H2AC20: variants seen among roughly 807,000 people sequenced by gnomAD.
The protein encoded by H2AC20 is histone H2A type 2-C.
A neutral mutation model predicts 7.1 loss-of-function variants in H2AC20; 7 were observed. The observed-to-expected ratio is 0.99, with a 90% confidence interval of 0.56 to 1.85. The LOEUF (loss-of-function observed/expected upper bound fraction) is 1.85, where lower values mean the gene tolerates loss of function less well. H2AC20 is among the 40% of genes most tolerant of loss of function. H2AC20 has a pLI of 0.00. For missense variants in H2AC20, 127 were observed against 179.6 expected, an observed-to-expected ratio of 0.71 and a Z score of 1.67; for synonymous variants, 97 against 82.2, an observed-to-expected ratio of 1.18 and a Z score of -0.98.
rs2092307535 is a variant in H2AC20 at position 149,887,224 on chromosome 1, C to T, written c.250C>T (p.Leu84Phe). Reference sequence around the variant, plus strand: ...GAAGACGCGCATCATCCCTCGTCACCTCCAGCTGGCCATCCGCAACGACGA... The same window carrying T: ...GAAGACGCGCATCATCCCTCGTCACTTCCAGCTGGCCATCCGCAACGACGA... ...NKKTRIIPRH[L>F]QLAIRNDEEL... Residue 84 changes from leucine to phenylalanine, a missense_variant, in exon 1 of 1, where the codon CTC (leucine) becomes TTC (phenylalanine). Transcript: ENST00000331380. The T allele has an allele frequency of 1.2e-6, 2 of 1,614,216 alleles. No individual in the cohort carries two copies. Among genetic ancestry groups the T allele is most frequent in the South Asian group, 1.1e-5 (1 of 91,080 alleles).
Position 149,887,111 on chromosome 1 carries a change from C to T in H2AC20, c.137C>T (p.Ala46Val), listed in dbSNP as rs921843484. ...GGCAACTACGCGGAGCGGGTGGGGG[C>T]CGGCGCGCCCGTCTACATGGCGGCG... Reference protein sequence around the residue: ...RKGNYAERVGAGAPVYMAAVL... With the variant: ...RKGNYAERVGVGAPVYMAAVL... Residue 46 changes from alanine to valine, a missense_variant, in exon 1 of 1, where the codon GCC (alanine) becomes GTC (valine). By Grantham distance (64) the Ala-to-Val change is moderately conservative. Coordinates refer to ENST00000331380, the MANE Select transcript of H2AC20 (RefSeq NM_003517.3). The T allele has an allele frequency of 6.2e-7, 1 of 1,613,990 alleles. No homozygotes were observed. Among genetic ancestry groups the T allele is most frequent in the Non-Finnish European group, 8.5e-7 (1 of 1,179,946 alleles).
At position 149,887,381 on chromosome 1, in the gene H2AC20, C is replaced by T. The variant is rs1028575428; in HGVS notation, c.*17C>T. The T allele has an allele frequency of 5.6e-6, 9 of 1,602,978 alleles. No homozygotes were observed. In the African/African-American group the frequency reaches 1.1e-4, roughly 19 times the overall value. ...AGCAAATAAATGCAGACAAACAAAC[C>T]AAGACCAAAGGCTCTTTTTAGAGCC... On this transcript the variant is annotated 3_prime_UTR_variant, in exon 1 of 1. Transcript: ENST00000331380.
Position 149,887,009 on chromosome 1 carries a change from G to A in H2AC20, c.35G>A (p.Arg12His). 1.2e-6 allele frequency: 2 copies of A among 1,614,248 alleles called. No homozygotes were observed. Among genetic ancestry groups the A allele is most frequent in the Non-Finnish European group, 1.7e-6 (2 of 1,180,030 alleles). Residue 12 changes from arginine (R) to histidine (H), a missense_variant, in exon 1 of 1, where the codon CGC becomes CAC. Physicochemically the swap from Arg to His is conservative, Grantham distance 29. Coordinates refer to ENST00000331380, the MANE Select transcript of H2AC20 (RefSeq NM_003517.3). Reference protein sequence around the residue: ...SGRGKQGGKARAKAKSRSSRA... With the variant: ...SGRGKQGGKAHAKAKSRSSRA... ...CGTGGCAAACAAGGAGGCAAGGCCC[G>A]CGCCAAGGCCAAGTCGCGCTCGTCC...
rs782576881 is a variant in H2AC20, at chr1:149,887,181, C to T, written c.207C>T (p.Asn69=). 36 of 1,613,996 alleles carry T rather than the reference C, an allele frequency of 2.2e-5. No individual in the cohort carries two copies. Among genetic ancestry groups the T allele is most frequent in the Non-Finnish European group, 2.8e-5 (33 of 1,180,036 alleles). ...LTAEILELAG[N]AARDNKKTRI... ...CCGAGATCCTGGAGCTGGCGGGCAA[C>T]GCGGCTCGGGACAACAAGAAGACGC... The change falls in exon 1 of 1, where the codon AAC becomes AAT. Residue 69 remains asparagine (N), a synonymous_variant. Coordinates refer to ENST00000331380, the MANE Select transcript of H2AC20 (RefSeq NM_003517.3).
In H2AC20 at chr1:149,887,140, C is replaced by G. The variant is rs1259754752; in HGVS notation, c.166C>G (p.Leu56Val). The part of the protein sequence containing the change: ...AGAPVYMAAV[L>V]EYLTAEILEL... ...CGCGCCCGTCTACATGGCGGCGGTC[C>G]TCGAGTACCTGACCGCCGAGATCCT... The change falls in exon 1 of 1, where the codon CTC (leucine) becomes GTC (valine). Residue 56 changes from leucine (L) to valine (V), a missense_variant. Leu to Val is a conservative substitution (Grantham distance 32). Coordinates refer to ENST00000331380, the MANE Select transcript of H2AC20 (RefSeq NM_003517.3). 1 of 1,614,048 alleles carries G rather than the reference C, an allele frequency of 6.2e-7. No individual in the cohort carries two copies. The highest frequency in any genetic ancestry group is 2.2e-5 in the East Asian group (1 of 44,876).
rs2092307632 is a variant in H2AC20, at chr1:149,887,233, G to T, written c.259G>T (p.Ala87Ser). The change falls in exon 1 of 1, where the codon GCC (alanine) becomes TCC (serine). Residue 87 changes from alanine (A) to serine (S), a missense_variant. By Grantham distance (99) the Ala-to-Ser change is moderately conservative. Transcript: ENST00000331380. Reference sequence around the variant, plus strand: ...CATCATCCCTCGTCACCTCCAGCTGGCCATCCGCAACGACGAGGAACTGAA... The same window carrying T: ...CATCATCCCTCGTCACCTCCAGCTGTCCATCCGCAACGACGAGGAACTGAA... ...TRIIPRHLQL[A>S]IRNDEELNKL... The T allele has an allele frequency of 6.2e-7, 1 of 1,614,188 alleles. No homozygotes were observed.
At position 149,886,961 on chromosome 1, in the gene H2AC20, C is replaced by G; in HGVS notation, c.-14C>G. On this transcript the variant is annotated 5_prime_UTR_variant, in exon 1 of 1. Transcript: ENST00000331380. Reference sequence around the variant, plus strand: ...GGTTCTGAGCGTTGTCTGTGTTTAACCTTGATTTCAGTCATGTCTGGTCGT... The same window carrying G: ...GGTTCTGAGCGTTGTCTGTGTTTAAGCTTGATTTCAGTCATGTCTGGTCGT... 5 of 1,614,190 alleles carry G rather than the reference C, an allele frequency of 3.1e-6. No individual in the cohort carries two copies. Among genetic ancestry groups the G allele is most frequent in the Non-Finnish European group, 4.2e-6 (5 of 1,180,028 alleles).
chr1:149,887,222 A>G lies in H2AC20; in HGVS notation c.248A>G (p.His83Arg), dbSNP rs782156323. 17 of 1,613,800 alleles carry G rather than the reference A, an allele frequency of 1.1e-5. No homozygotes were observed. In the East Asian group the frequency reaches 3.3e-4, roughly 32 times the overall value. Residue 83 changes from histidine (H) to arginine (R), a missense_variant, in exon 1 of 1, where the codon CAC becomes CGC. Transcript: ENST00000331380. The part of the protein sequence containing the change: ...DNKKTRIIPR[H>R]LQLAIRNDEE... ...AAGAAGACGCGCATCATCCCTCGTCACCTCCAGCTGGCCATCCGCAACGAC... is the reference window on the plus strand; with the variant it reads ...AAGAAGACGCGCATCATCCCTCGTCGCCTCCAGCTGGCCATCCGCAACGAC...
In H2AC20 at chr1:149,887,409, C is replaced by T. The variant is rs587626534; in HGVS notation, c.*45C>T. 1.3e-5 allele frequency: 21 copies of T among 1,574,500 alleles called. No individual in the cohort carries two copies. The highest frequency in any genetic ancestry group is 1.7e-4 in the Middle Eastern group (1 of 5,822). Reference sequence around the variant, plus strand: ...GACCAAAGGCTCTTTTTAGAGCCACCCAAGTTTTCAAAAAAAGAGCTAATG... The same window carrying T: ...GACCAAAGGCTCTTTTTAGAGCCACTCAAGTTTTCAAAAAAAGAGCTAATG... On this transcript the variant is annotated 3_prime_UTR_variant, in exon 1 of 1. Coordinates refer to ENST00000331380, the MANE Select transcript of H2AC20 (RefSeq NM_003517.3).
chr1:149,887,375 A>G lies in H2AC20; in HGVS notation c.*11A>G, dbSNP rs2092311564. 3 of 1,604,136 alleles carry G rather than the reference A, an allele frequency of 1.9e-6. No individual in the cohort carries two copies. The highest frequency in any genetic ancestry group is 3.5e-5 in the Admixed American group (2 of 57,826). ...GCCAAAAGCAAATAAATGCAGACAAACAAACCAAGACCAAAGGCTCTTTTT... is the reference window on the plus strand; with the variant it reads ...GCCAAAAGCAAATAAATGCAGACAAGCAAACCAAGACCAAAGGCTCTTTTT... On this transcript the variant is annotated 3_prime_UTR_variant, in exon 1 of 1. Coordinates refer to ENST00000331380, the MANE Select transcript of H2AC20 (RefSeq NM_003517.3).
In H2AC20 at chr1:149,886,918, A is replaced by C. The variant is rs1208833451; in HGVS notation, c.-57A>C. 1 of 1,612,176 alleles carries C rather than the reference A, an allele frequency of 6.2e-7. No homozygotes were observed. The highest frequency in any genetic ancestry group is 8.5e-7 in the Non-Finnish European group (1 of 1,179,154). On this transcript the variant is annotated 5_prime_UTR_variant, in exon 1 of 1. Coordinates refer to ENST00000331380, the MANE Select transcript of H2AC20 (RefSeq NM_003517.3). ...AAGGCTTTCCTCTTGGTTCTCTTTC[A>C]ATCTTATTTTGTTGCGAGGTTCTGA...
Position 149,886,924 on chromosome 1 carries a change from A to G in H2AC20, c.-51A>G. The G allele has an allele frequency of 1.2e-6, 2 of 1,613,080 alleles. No individual in the cohort carries two copies. The highest frequency in any genetic ancestry group is 1.1e-5 in the South Asian group (1 of 91,012). On this transcript the variant is annotated 5_prime_UTR_variant, in exon 1 of 1. Transcript: ENST00000331380. ...TTCCTCTTGGTTCTCTTTCAATCTT[A>G]TTTTGTTGCGAGGTTCTGAGCGTTG...
rs782179617 is a variant in H2AC20, at chr1:149,887,395, CTT to C, written c.*35_*36del. The C allele has an allele frequency of 6.3e-7, 1 of 1,585,810 alleles. No homozygotes were observed. Among genetic ancestry groups the C allele is most frequent in the East Asian group, 2.2e-5 (1 of 44,654 alleles). On this transcript the variant is annotated 3_prime_UTR_variant, in exon 1 of 1. Coordinates refer to ENST00000331380, the MANE Select transcript of H2AC20 (RefSeq NM_003517.3). Reference sequence around the variant, plus strand: ...GACAAACAAACCAAGACCAAAGGCTCTTTTTAGAGCCACCCAAGTTTTCAAAA... The same window carrying C: ...GACAAACAAACCAAGACCAAAGGCTCTTTAGAGCCACCCAAGTTTTCAAAA...
At position 149,887,101 on chromosome 1, in the gene H2AC20, C is replaced by T. The variant is rs1553759887; in HGVS notation, c.127C>T (p.Arg43Trp). The change falls in exon 1 of 1, where the codon CGG becomes TGG. Residue 43 changes from arginine (R) to tryptophan (W), a missense_variant. Transcript: ENST00000331380. ...GCTGCGCAAAGGCAACTACGCGGAGCGGGTGGGGGCCGGCGCGCCCGTCTA... is the reference window on the plus strand; with the variant it reads ...GCTGCGCAAAGGCAACTACGCGGAGTGGGTGGGGGCCGGCGCGCCCGTCTA... ...RLLRKGNYAE[R>W]VGAGAPVYMA... The T allele has an allele frequency of 1.2e-6, 2 of 1,613,844 alleles. No homozygotes were observed. The highest frequency in any genetic ancestry group is 3.3e-5 in the Admixed American group (2 of 59,986).
In H2AC20 at chr1:149,887,188, C is replaced by T; in HGVS notation, c.214C>T (p.Arg72Trp). 2 of 1,614,130 alleles carry T rather than the reference C, an allele frequency of 1.2e-6. No individual in the cohort carries two copies. Among genetic ancestry groups the T allele is most frequent in the East Asian group, 2.2e-5 (1 of 44,848 alleles). Residue 72 changes from arginine to tryptophan, a missense_variant, in exon 1 of 1, where the codon CGG becomes TGG. Transcript: ENST00000331380. Reference protein sequence around the residue: ...EILELAGNAARDNKKTRIIPR... With the variant: ...EILELAGNAAWDNKKTRIIPR... ...CCTGGAGCTGGCGGGCAACGCGGCT[C>T]GGGACAACAAGAAGACGCGCATCAT...
Position 149,887,393 on chromosome 1 carries a change from C to G in H2AC20, c.*29C>G. 1 of 1,592,230 alleles carries G rather than the reference C, an allele frequency of 6.3e-7. No individual in the cohort carries two copies. Among genetic ancestry groups the G allele is most frequent in the Non-Finnish European group, 8.5e-7 (1 of 1,170,430 alleles). On this transcript the variant is annotated 3_prime_UTR_variant, in exon 1 of 1. Coordinates refer to ENST00000331380, the MANE Select transcript of H2AC20 (RefSeq NM_003517.3). ...CAGACAAACAAACCAAGACCAAAGG[C>G]TCTTTTTAGAGCCACCCAAGTTTTC...
rs142171545 is a variant in H2AC20 at position 149,887,264 on chromosome 1, T to G, written c.290T>G (p.Leu97Arg). The stretch of plus-strand genomic sequence containing the variant: ...CGCAACGACGAGGAACTGAACAAGC[T>G]GCTGGGCAAAGTCACCATCGCCCAG... ...AIRNDEELNK[L>R]LGKVTIAQGG... Residue 97 changes from leucine to arginine, a missense_variant, in exon 1 of 1, where the codon CTG becomes CGG. By Grantham distance (102) the Leu-to-Arg change is moderately radical. Transcript: ENST00000331380. 6.2e-7 allele frequency: 1 copy of G among 1,614,212 alleles called. No homozygotes were observed. Among genetic ancestry groups the G allele is most frequent in the Non-Finnish European group, 8.5e-7 (1 of 1,180,042 alleles).
At position 149,887,058 on chromosome 1, in the gene H2AC20, A is replaced by G. The variant is rs782305330; in HGVS notation, c.84A>G (p.Val28=). The G allele has an allele frequency of 5.5e-5, 88 of 1,613,940 alleles. No homozygotes were observed. Among genetic ancestry groups the G allele is most frequent in the Admixed American group, 6.7e-5 (4 of 59,990 alleles). Residue 28 remains valine (V), a synonymous_variant, in exon 1 of 1, where the codon GTA becomes GTG. Transcript: ENST00000331380. ...CCCGCGCTGGCCTCCAGTTCCCGGT[A>G]GGGCGAGTGCACCGCTTGCTGCGCA... ...RSSRAGLQFP[V]GRVHRLLRKG...
chr1:149,887,335 A>G lies in H2AC20; in HGVS notation c.361A>G (p.Thr121Ala), dbSNP rs138080437. The G allele has an allele frequency of 1.9e-6, 3 of 1,613,656 alleles. No individual in the cohort carries two copies. The African/African-American group carries it at 4.0e-5, about 22-fold the overall frequency. Reference protein sequence around the residue: ...NIQAVLLPKKTESHKAKSK With the variant: ...NIQAVLLPKKAESHKAKSK ...CCAGGCCGTTCTGTTACCAAAGAAA[A>G]CCGAAAGCCACAAAGCCAAAAGCAA... Residue 121 changes from threonine (T) to alanine (A), a missense_variant, in exon 1 of 1, where the codon ACC becomes GCC. Thr to Ala is a moderately conservative substitution (Grantham distance 58). Transcript: ENST00000331380.
Sources: gnomAD v4.1 joint callset for allele counts on GRCh38, gnomAD v4.1.1 for gene constraint, MANE v1.5 for transcripts, NCBI Gene and HGNC (gene_info 2026-07-23, HGNC 2026-07-21) for gene names.